Variants in SATB2 observed in about 807,000 individuals in gnomAD.
SATB2 encodes SATB homeobox 2.
In SATB2, 1 loss-of-function variant was observed where a neutral mutation model predicts 73.4. The observed-to-expected ratio is 0.01, with a 90% CI of 0.00 to 0.06. SATB2 has a LOEUF of 0.06. Ranked by LOEUF, SATB2 falls within the 10% of genes least tolerant of loss-of-function variation. SATB2 has a pLI of 1.00. For synonymous variants in SATB2, 397 were observed against 367.0 expected (o/e 1.08, Z -0.93); for missense variants, 459 against 945.8 (o/e 0.49, Z 6.75).
At chr2:199,442,828 G>A (rs1411427426) in intron 2 of SATB2, among the ~76,000 whole-genome samples, 1 of 152,108 alleles carries the variant, frequency 6.6e-6, no homozygotes, top group African/African-American at 2.4e-5. Context: ...AAAAGTTCAA[G>A]GGTATGGCAT....
chr2:199,367,966 A>G (rs1004993547), intron 6 of SATB2, among the ~76,000 whole-genome samples: 1 of 152,108 alleles, frequency 6.6e-6, no homozygotes, highest in Non-Finnish European at 1.5e-5. Flanking sequence ...ACTACTATTA[A>G]TTATTAGTAG....
intron 3 of SATB2, among the ~76,000 whole-genome samples, chr2:199,384,486 C>T (rs918780063): frequency 3.9e-5 from 6 of 152,248 alleles, no homozygotes; most frequent in African/African-American, 1.4e-4. Context: ...TTCCTCCAAA[C>T]AGGGTCTCTG....
At chr2:199,309,660 G>A (rs1173376561) in intron 9 of SATB2, among the ~76,000 whole-genome samples, 1 of 152,170 alleles carries the variant, frequency 6.6e-6, no homozygotes, top group Non-Finnish European at 1.5e-5. Context: ...GAAAGAAAAT[G>A]TAATGCAAAT....
At chr2:199,406,040 T>C (rs1390381772) in intron 3 of SATB2, among the ~76,000 whole-genome samples, 1 of 152,126 alleles carries the variant, frequency 6.6e-6, no homozygotes, top group Non-Finnish European at 1.5e-5. Flanking sequence ...TTACATAGCA[T>C]TTACATTGTA....
At chr2:199,363,938 C>A (rs918775239) in intron 6 of SATB2, among the ~76,000 whole-genome samples, 6 of 152,196 alleles carry the variant, frequency 3.9e-5, no homozygotes, top group African/African-American at 1.4e-4. Context: ...AAGCAAATTT[C>A]TCTCATGACA....
chr2:199,360,638 C>G (rs895834582), intron 6 of SATB2, among the ~76,000 whole-genome samples: 1 of 152,246 alleles, frequency 6.6e-6, no homozygotes, highest in African/African-American at 2.4e-5. Flanking sequence ...ATTATCTGAG[C>G]CTCAAATCCA....
intron 3 of SATB2, among the ~76,000 whole-genome samples, chr2:199,420,523 C>T (rs1260451145): frequency 6.6e-6 from 1 of 152,132 alleles, no homozygotes; most frequent in Non-Finnish European, 1.5e-5. Flanking sequence ...CTAAGTGACA[C>T]CTCAGTCTCC....
intron 2 of SATB2, among the ~76,000 whole-genome samples, chr2:199,445,879 A>T (rs1315439454): frequency 6.6e-6 from 1 of 152,186 alleles, no homozygotes; most frequent in Non-Finnish European, 1.5e-5. Flanking sequence ...CTTCACTCTG[A>T]ATACCTTCTG....
chr2:199,387,651 C>A (rs1038683588), intron 3 of SATB2, among the ~76,000 whole-genome samples: 1 of 152,138 alleles, frequency 6.6e-6, no homozygotes, highest in Admixed American at 6.5e-5. Flanking sequence ...GAAATTCATA[C>A]AAATGTTAAC....
In SATB2 at chr2:199,398,652, G is replaced by A. The variant is rs568860449; in HGVS notation, c.347-16832C>T. On this transcript the variant is annotated intron_variant, in intron 3 of 10. Coordinates refer to ENST00000417098, the MANE Select transcript of SATB2 (RefSeq NM_001172509.2). ...GCCTCCACCTCAAAGGGTTTTTGAG[G>A]ACATTAAATTAGGTAATATGAATTT... Among the ~76,000 whole-genome samples the A allele has an allele frequency of 1.6e-3, 237 of 152,186 alleles. 1 individual carries two copies. Among genetic ancestry groups the A allele is most frequent in the Non-Finnish European group, 2.6e-3 (177 of 68,004 alleles).
intron 10 of SATB2, among the ~76,000 whole-genome samples, chr2:199,273,761 G>A (rs1692229754): frequency 6.6e-6 from 1 of 151,930 alleles, no homozygotes; most frequent in African/African-American, 2.4e-5. Context: ...TTTTCTAGTT[G>A]TAATTTAAAT....
intron 10 of SATB2, among the ~76,000 whole-genome samples, chr2:199,289,099 G>C (rs1692771328): frequency 6.6e-6 from 1 of 152,166 alleles, no homozygotes; most frequent in African/African-American, 2.4e-5. Context: ...AAAAGTTTGG[G>C]CTCTTAATTC....
chr2:199,338,923 AAAAAAAAAAAAAAG>A (rs950185223), intron 7 of SATB2, among the ~76,000 whole-genome samples: 8 of 151,434 alleles, frequency 5.3e-5, no homozygotes, highest in Admixed American at 5.3e-4. Context: ...GTCTTAAAAA[AAAAAAAAAAAAAAG>A]AAAGAAAGAA....
chr2:199,447,093 G>A (rs1051516511), intron 2 of SATB2, among the ~76,000 whole-genome samples: 12 of 152,050 alleles, frequency 7.9e-5, no homozygotes, highest in African/African-American at 2.9e-4. Context: ...AGGTTCCCGG[G>A]TGAACTCCAC....
At position 199,331,625 on chromosome 2, in the gene SATB2, G is replaced by A. The variant is rs552753570; in HGVS notation, c.1174-2715C>T. Among the ~76,000 whole-genome samples the A allele has an allele frequency of 2.0e-5, 3 of 152,166 alleles. No homozygotes were observed. In the South Asian group the frequency reaches 6.2e-4, roughly 32 times the overall value. On this transcript the variant is annotated intron_variant, in intron 7 of 10. Coordinates refer to ENST00000417098, the MANE Select transcript of SATB2 (RefSeq NM_001172509.2). ...GGTGGGCACAAGAAGAGTTTTAGTT[G>A]TTTTGTTGAGTCTTTTTCATTTGAG...
intron 2 of SATB2, among the ~76,000 whole-genome samples, chr2:199,442,618 A>C (rs911677523): frequency 1.3e-5 from 2 of 152,224 alleles, no homozygotes; most frequent in African/African-American, 4.8e-5. Context: ...CAGTGGCCAG[A>C]GCCTGTTAAA....
At chr2:199,437,500 C>A (rs561564623) in intron 2 of SATB2, among the ~76,000 whole-genome samples, 1 of 152,180 alleles carries the variant, frequency 6.6e-6, no homozygotes, top group Non-Finnish European at 1.5e-5. Context: ...TTCACAGCAA[C>A]AGCTGTGAGA....
chr2:199,395,437 T>C (rs559715492), intron 3 of SATB2, among the ~76,000 whole-genome samples: 2 of 152,198 alleles, frequency 1.3e-5, no homozygotes, highest in Non-Finnish European at 2.9e-5. Context: ...TTTTGTTAAG[T>C]TAAAATGCCC....
At chr2:199,438,066 G>A (rs952484063) in intron 2 of SATB2, among the ~76,000 whole-genome samples, 16 of 151,700 alleles carry the variant, frequency 1.1e-4, no homozygotes, top group Admixed American at 5.3e-4. Context: ...GAGATGTGTC[G>A]TAAGTATACA....
Sources: allele counts gnomAD v4.1 joint callset (sites outside exome capture counted in the v4.1 genomes callset), GRCh38; gene constraint gnomAD v4.1.1; transcripts MANE v1.5; gene names NCBI Gene and HGNC (gene_info 2026-07-23, HGNC 2026-07-21).